The following LRRC28 variants were observed in gnomAD, a reference collection of about 807,000 sequenced individuals.
LRRC28 encodes leucine rich repeat containing 28, also known as leucine-rich repeat-containing protein 28.
A neutral mutation model predicts 45.7 loss-of-function variants in LRRC28; 39 were observed. The observed-to-expected ratio is 0.85, with a 90% CI of 0.66 to 1.12. LRRC28 has a LOEUF of 1.12. Ranked by LOEUF, LRRC28 falls within the 50% of genes most tolerant of loss-of-function variation. LRRC28 has a pLI of 0.00. For synonymous variants in LRRC28, 206 were observed against 178.8 expected, an observed-to-expected ratio of 1.15 and a Z score of -1.22; for missense variants, 435 against 438.5, an observed-to-expected ratio of 0.99 and a Z score of 0.07.
At chr15:99,300,942 A>T (rs1322751062) in intron 5 of LRRC28, among the ~76,000 whole-genome samples, 3 of 152,124 alleles carry the variant, frequency 2.0e-5, no homozygotes, top group Non-Finnish European at 4.4e-5. Context: ...TCTCTAGGAG[A>T]CTGAATACTA....
intron 5 of LRRC28, among the ~76,000 whole-genome samples, chr15:99,317,072 T>C (rs1955624305): frequency 6.6e-6 from 1 of 151,268 alleles, no homozygotes; most frequent in South Asian, 2.1e-4. Flanking sequence ...AGTCAGAGCC[T>C]CATAAATGTT....
At chr15:99,363,393 C>T (rs1957260562) in intron 9 of LRRC28, 128 bp downstream of exon 9, 1 of 931,968 alleles carries the variant, frequency 1.1e-6, no homozygotes, top group South Asian at 1.9e-5. Context: ...TCCTGAGAAA[C>T]AGCTAAATGA....
At chr15:99,314,335 G>A (rs1458870038) in intron 5 of LRRC28, among the ~76,000 whole-genome samples, 1 of 152,038 alleles carries the variant, frequency 6.6e-6, no homozygotes, top group Non-Finnish European at 1.5e-5. Context: ...CTGTTTGGGA[G>A]GCTGAGGTGG....
chr15:99,257,455 A>G (rs538666013), intron 2 of LRRC28, among the ~76,000 whole-genome samples: 7 of 152,332 alleles, frequency 4.6e-5, no homozygotes, highest in Admixed American at 6.5e-5. Context: ...TTACTTATTA[A>G]CTATCTGCCA....
At chr15:99,375,980 T>C (rs1957618794) in intron 9 of LRRC28, among the ~76,000 whole-genome samples, 1 of 152,012 alleles carries the variant, frequency 6.6e-6, no homozygotes, top group African/African-American at 2.4e-5. Flanking sequence ...TGTCCTTTTT[T>C]TAGGTTTTTA....
At position 99,387,981 on chromosome 15, in the gene LRRC28, T is replaced by G. The variant is rs1004746714; in HGVS notation, c.*1879T>G. The G allele has an allele frequency of 1.3e-5, 2 of 152,258 alleles. No individual in the cohort carries two copies. Among genetic ancestry groups the G allele is most frequent in the African/African-American group, 4.8e-5 (2 of 41,470 alleles). The allele number at this position is 152,258 out of a possible 1,614,324, so 9.4% of individuals were successfully genotyped here. ...GCAGAAAGTTACCGTGTGTTCCCAC[T>G]GTATCTGCACTGTTCTTACTTCCTC... On this transcript the variant is annotated 3_prime_UTR_variant, in exon 10 of 10. Coordinates refer to ENST00000301981, the MANE Select transcript of LRRC28 (RefSeq NM_144598.5).
intron 9 of LRRC28, among the ~76,000 whole-genome samples, chr15:99,363,909 A>C (rs1316127742): frequency 6.6e-6 from 1 of 152,236 alleles, no homozygotes; most frequent in African/African-American, 2.4e-5. Context: ...AAATTTAGGA[A>C]ACTAAATTTA....
chr15:99,273,961 T>C (rs1285157980), intron 2 of LRRC28, among the ~76,000 whole-genome samples: 2 of 152,244 alleles, frequency 1.3e-5, no homozygotes, highest in Non-Finnish European at 2.9e-5. Context: ...TTTGTATGTA[T>C]GCCCATAAAC....
chr15:99,305,177 G>T, intron 5 of LRRC28, among the ~76,000 whole-genome samples: 1 of 152,164 alleles, frequency 6.6e-6, no homozygotes, highest in East Asian at 1.9e-4. Context: ...CTAGATGAAG[G>T]CATGCCAACA....
chr15:99,255,422 A>G (rs1448649458), intron 1 of LRRC28, among the ~76,000 whole-genome samples: 1 of 152,080 alleles, frequency 6.6e-6, no homozygotes, highest in Non-Finnish European at 1.5e-5. Context: ...ATAGGACAAT[A>G]TTTATATATT....
chr15:99,322,923 T>G (rs1319849094), intron 5 of LRRC28, among the ~76,000 whole-genome samples: 1 of 152,230 alleles, frequency 6.6e-6, no homozygotes, highest in East Asian at 1.9e-4. Context: ...CTTGGGTAGA[T>G]GGTGGCTAGC....
At chr15:99,309,595 G>A (rs1424751099) in intron 5 of LRRC28, among the ~76,000 whole-genome samples, 2 of 152,130 alleles carry the variant, frequency 1.3e-5, no homozygotes, top group African/African-American at 4.8e-5. Context: ...TTTTAGTAGA[G>A]ACGCGGTTTC....
At chr15:99,363,591 A>T (rs963142836) in intron 9 of LRRC28, among the ~76,000 whole-genome samples, 5 of 152,238 alleles carry the variant, frequency 3.3e-5, no homozygotes, top group Non-Finnish European at 4.4e-5. Context: ...AAAATGTGTT[A>T]CATAACGGGA....
At chr15:99,350,675 G>A (rs1298833655) in intron 6 of LRRC28, among the ~76,000 whole-genome samples, 2 of 152,172 alleles carry the variant, frequency 1.3e-5, no homozygotes, top group African/African-American at 4.8e-5. Flanking sequence ...TCAGCTGTCT[G>A]GGCCTTTGAC....
intron 5 of LRRC28, 65 bp downstream of exon 5, chr15:99,288,016 C>A: frequency 1.4e-6 from 2 of 1,426,170 alleles, no homozygotes; most frequent in Non-Finnish European, 1.9e-6. Context: ...ATATTTCTCA[C>A]TCTATGTCTA....
At chr15:99,319,181 A>G (rs12591268) in intron 5 of LRRC28, among the ~76,000 whole-genome samples, 14,560 of 152,176 alleles carry the variant, frequency 0.096, 981 homozygotes, top group East Asian at 0.31. Context: ...TAATAGTTTT[A>G]TACCAACAAT....
At chr15:99,280,811 C>T (rs377415858) in intron 3 of LRRC28, among the ~76,000 whole-genome samples, 5 of 152,196 alleles carry the variant, frequency 3.3e-5, no homozygotes, top group Admixed American at 1.3e-4. Flanking sequence ...ATACCCTGTT[C>T]CTGGCCCCTG....
intron 1 of LRRC28, among the ~76,000 whole-genome samples, chr15:99,254,940 A>G (rs1411631075): frequency 6.6e-6 from 1 of 152,264 alleles, no homozygotes; most frequent in Non-Finnish European, 1.5e-5. Flanking sequence ...TTGTAATATT[A>G]TAGAATAATA....
At chr15:99,262,488 A>G (rs2081225316) in intron 2 of LRRC28, among the ~76,000 whole-genome samples, 2 of 152,206 alleles carry the variant, frequency 1.3e-5, no homozygotes, top group Non-Finnish European at 2.9e-5. Context: ...AGGCTGAGGC[A>G]GGAGAATCAC....
Sources: gnomAD v4.1 joint callset for allele counts (sites outside exome capture counted in the v4.1 genomes callset) on GRCh38, gnomAD v4.1.1 for gene constraint, MANE v1.5 for transcripts, NCBI Gene and HGNC (gene_info 2026-07-23, HGNC 2026-07-21) for gene names.